SLX4IP: variants seen among roughly 807,000 people sequenced by gnomAD.
SLX4IP encodes protein SLX4IP.
SLX4IP carries 34 observed loss-of-function variants against 32.9 expected under a neutral mutation model. The ratio of observed to expected loss-of-function variants is 1.03; its 90% CI spans 0.79 to 1.38. The LOEUF (loss-of-function observed/expected upper bound fraction) is 1.38, where lower values mean the gene tolerates loss of function less well. Ranked by LOEUF, SLX4IP falls within the 40% of genes most tolerant of loss-of-function variation. The pLI is 0.00. For missense variants in SLX4IP, 444 were observed against 479.0 expected, an observed-to-expected ratio of 0.93 and a Z score of 0.68; for synonymous variants, 172 against 171.7, an observed-to-expected ratio of 1.00 and a Z score of -0.01.
At chr20:10,442,939 CAAAG>C (rs1214372657) in intron 1 of SLX4IP, among the ~76,000 whole-genome samples, 3 of 152,254 alleles carry the variant, frequency 2.0e-5, no homozygotes, top group Admixed American at 1.3e-4. Flanking sequence ...ATTTTAAAGA[CAAAG>C]AAATTTATGC....
At chr20:10,503,980 T>C (rs2065739000) in intron 2 of SLX4IP, among the ~76,000 whole-genome samples, 1 of 152,214 alleles carries the variant, frequency 6.6e-6, no homozygotes, top group Admixed American at 6.5e-5. Flanking sequence ...TAAAGTCACA[T>C]TCACAGGTAT....
rs147885930 is a variant in SLX4IP, at chr20:10,547,147, A to G, written c.28-9084A>G. On this transcript the variant is annotated intron_variant, in intron 2 of 7. Coordinates refer to ENST00000334534, the MANE Select transcript of SLX4IP (RefSeq NM_001009608.3). ...CTACAGCACTCTGGGTCAAAACTCA[A>G]AACTCTTTCTCAGTAGGATACCAGA... is the stretch of plus-strand genomic sequence containing the variant. 3.0e-4 allele frequency among the ~76,000 whole-genome samples: 45 copies of G among 152,314 alleles called. 1 individual carries two copies. The East Asian group carries it at 7.3e-3, about 25-fold the overall frequency.
At chr20:10,509,538 G>T (rs911076434) in intron 2 of SLX4IP, among the ~76,000 whole-genome samples, 6 of 152,154 alleles carry the variant, frequency 3.9e-5, no homozygotes, top group Non-Finnish European at 8.8e-5. Context: ...GTAGGATATC[G>T]CCTTGATACA....
At chr20:10,535,959 A>C (rs1277606623) in intron 2 of SLX4IP, among the ~76,000 whole-genome samples, 1 of 151,782 alleles carries the variant, frequency 6.6e-6, no homozygotes, top group Non-Finnish European at 1.5e-5. Flanking sequence ...CTAGAGACAC[A>C]CTGTTTAGAA....
chr20:10,568,021 G>T lies in SLX4IP; in HGVS notation c.238+7201G>T, dbSNP rs181560024. ...GAAACACACAGACATACTCATTGATGTTTGTGCCTATTTCTTAGTAGTAAG... is the reference window on the plus strand; with the variant it reads ...GAAACACACAGACATACTCATTGATTTTTGTGCCTATTTCTTAGTAGTAAG... On this transcript the variant is annotated intron_variant, in intron 4 of 7. Coordinates refer to ENST00000334534, the MANE Select transcript of SLX4IP (RefSeq NM_001009608.3). 2.6e-5 allele frequency among the ~76,000 whole-genome samples: 4 copies of T among 152,328 alleles called. No homozygotes were observed. The East Asian group carries it at 5.8e-4, about 22-fold the overall frequency.
chr20:10,459,429 C>A lies in SLX4IP; in HGVS notation c.27+1198C>A, dbSNP rs571874967. Among the ~76,000 whole-genome samples, 11 of 152,206 alleles carry A rather than the reference C, an allele frequency of 7.2e-5. No individual in the cohort carries two copies. In the South Asian group the frequency reaches 8.3e-4, roughly 11 times the overall value. The stretch of plus-strand genomic sequence containing the variant: ...TGCTTTTGGTGTTTTGGGGACTTGA[C>A]AATTTTAAGTAGGCATATGGAAAAT... On this transcript the variant is annotated intron_variant, in intron 2 of 7. Coordinates refer to ENST00000334534, the MANE Select transcript of SLX4IP (RefSeq NM_001009608.3).
chr20:10,616,391 GAAATAAATAAATAAAT>G lies in SLX4IP; in HGVS notation c.406-4895_406-4880del, dbSNP rs202239370. Among the ~76,000 whole-genome samples the G allele has an allele frequency of 1.0e-3, 138 of 131,632 alleles. 2 individuals carry two copies. The highest frequency in any genetic ancestry group is 2.9e-3 in the African/African-American group (105 of 35,904). The allele number at this position is 131,632 out of a possible 152,430, so 86.4% of individuals were successfully genotyped here. A position where few individuals can be genotyped will look rare whatever the true frequency, so the allele number is the denominator to read the frequency against. On this transcript the variant is annotated intron_variant, in intron 6 of 7. Coordinates refer to ENST00000334534, the MANE Select transcript of SLX4IP (RefSeq NM_001009608.3). ...AATGTCAAGTCCCAAAAAAAAAAAT[GAAATAAATAAATAAAT>G]AAATAAATAAATAAATAAATAAATA...
At chr20:10,536,676 G>A (rs908929855) in intron 2 of SLX4IP, among the ~76,000 whole-genome samples, 2 of 152,202 alleles carry the variant, frequency 1.3e-5, no homozygotes, top group Non-Finnish European at 2.9e-5. Context: ...TGCTACAAAC[G>A]TACTGAGTTT....
intron 2 of SLX4IP, among the ~76,000 whole-genome samples, chr20:10,484,039 T>C (rs1403258212): frequency 2.0e-5 from 3 of 152,124 alleles, no homozygotes; most frequent in Non-Finnish European, 4.4e-5. Flanking sequence ...TATCCACTTA[T>C]TCATCAAACC....
At chr20:10,533,617 CTTTTTT>C (rs35385148) in intron 2 of SLX4IP, among the ~76,000 whole-genome samples, 3 of 95,606 alleles carry the variant, frequency 3.1e-5, no homozygotes, top group African/African-American at 4.4e-5. Context: ...CATTCTTGGC[CTTTTTT>C]TTTTTTTTTT....
At chr20:10,593,375 A>T (rs986172894) in intron 4 of SLX4IP, among the ~76,000 whole-genome samples, 1 of 152,158 alleles carries the variant, frequency 6.6e-6, no homozygotes, top group African/African-American at 2.4e-5. Context: ...AGTCAAAATT[A>T]ATAAATGGCT....
At chr20:10,620,044 A>AGTG (rs2067089505) in intron 6 of SLX4IP, among the ~76,000 whole-genome samples, 1 of 152,190 alleles carries the variant, frequency 6.6e-6, no homozygotes, top group South Asian at 2.1e-4. Context: ...GTGATTAGGC[A>AGTG]AAGCACATCC....
chr20:10,533,723 C>T (rs1256627390), intron 2 of SLX4IP, among the ~76,000 whole-genome samples: 1 of 150,900 alleles, frequency 6.6e-6, no homozygotes, highest in Admixed American at 6.6e-5. Context: ...GAGCTCAAGC[C>T]ATCCTCCCAC....
intron 1 of SLX4IP, among the ~76,000 whole-genome samples, chr20:10,456,259 G>A (rs1010818938): frequency 6.6e-6 from 1 of 152,152 alleles, no homozygotes; most frequent in Non-Finnish European, 1.5e-5. Flanking sequence ...CTGGTCCTAA[G>A]CATTTCTGAT....
intron 6 of SLX4IP, chr20:10,614,168 G>C (rs976312526): frequency 3.5e-6 from 3 of 862,222 alleles, no homozygotes; most frequent in Non-Finnish European, 5.6e-6. Flanking sequence ...CCAGCACCCA[G>C]TAAAGCCAGC....
chr20:10,553,690 CACTT>C (rs753806485), intron 2 of SLX4IP, among the ~76,000 whole-genome samples: 45 of 152,198 alleles, frequency 3.0e-4, no homozygotes, highest in Non-Finnish European at 5.7e-4. Context: ...ACTGAGTACA[CACTT>C]ACTTACATTT....
chr20:10,524,055 G>A (rs605770), intron 2 of SLX4IP, among the ~76,000 whole-genome samples: 90,554 of 152,074 alleles, frequency 0.6, 27,332 homozygotes, highest in South Asian at 0.74. Context: ...GGGGACCAGC[G>A]GGCTCATGAC....
At chr20:10,610,905 T>TCTC (rs34019300) in intron 6 of SLX4IP, among the ~76,000 whole-genome samples, 63,274 of 151,896 alleles carry the variant, frequency 0.42, 13,406 homozygotes, top group South Asian at 0.54. Context: ...AAGAGAGACT[T>TCTC]CTTCATTTTA....
At position 10,515,751 on chromosome 20, in the gene SLX4IP, C is replaced by G. The variant is rs1490263887; in HGVS notation, c.28-40480C>G. On this transcript the variant is annotated intron_variant, in intron 2 of 7. Coordinates refer to ENST00000334534, the MANE Select transcript of SLX4IP (RefSeq NM_001009608.3). ...AACTTTTTTAAATTTAAAAACTTTG[C>G]TTTTAGGTGTATTTGTATGGTTGGT... is the stretch of plus-strand genomic sequence containing the variant. 2.6e-5 allele frequency among the ~76,000 whole-genome samples: 4 copies of G among 152,058 alleles called. 1 individual carries two copies. The highest frequency in any genetic ancestry group is 9.7e-5 in the African/African-American group (4 of 41,406).
Sources: gnomAD v4.1 joint callset for allele counts (sites outside exome capture counted in the v4.1 genomes callset) on GRCh38, gnomAD v4.1.1 for gene constraint, MANE v1.5 for transcripts, NCBI Gene and HGNC (gene_info 2026-07-23, HGNC 2026-07-21) for gene names.